Variants in MME observed in about 807,000 individuals in gnomAD.
MME encodes the protein neprilysin.
In MME, 98 loss-of-function variants were observed where a neutral mutation model predicts 113.2. The ratio of observed to expected loss-of-function variants is 0.87; its 90% CI spans 0.74 to 1.02. The LOEUF is 1.02. Among genes scored for constraint, MME ranks in the 50% least tolerant of loss-of-function variants. The probability of loss-of-function intolerance (pLI) is 0.00; values close to 1 mark genes in which losing one functional copy is unlikely to be tolerated. For synonymous variants in MME, 292 were observed against 300.6 expected (o/e 0.97, Z 0.30); for missense variants, 836 against 896.0 (o/e 0.93, Z 0.86).
At chr3:155,042,310 A>T (rs1713348639) in intron 1 of MME, among the ~76,000 whole-genome samples, 1 of 152,134 alleles carries the variant, frequency 6.6e-6, no homozygotes, top group African/African-American at 2.4e-5. Context: ...TTACTTTTTT[A>T]TTTTAAGTGA....
Position 155,172,146 on chromosome 3 carries a change from C to G in MME, c.2010C>G (p.Gly670=). 6.2e-7 allele frequency: 1 copy of G among 1,609,264 alleles called. No individual in the cohort carries two copies. Among genetic ancestry groups the G allele is most frequent in the Non-Finnish European group, 8.5e-7 (1 of 1,176,064 alleles). Residue 670 remains glycine, a synonymous_variant, in exon 21 of 23, where the codon GGC becomes GGG. Coordinates refer to ENST00000360490, the MANE Select transcript of MME (RefSeq NM_007289.4). ...RAYQNYIKKN[G]EEKLLPGLDL... is the part of the protein sequence containing the mutation. ...ATCAGAATTATATTAAAAAGAATGGCGAAGAAAAATTACTTCCTGGACTTG... is the reference window on the plus strand; with the variant it reads ...ATCAGAATTATATTAAAAAGAATGGGGAAGAAAAATTACTTCCTGGACTTG...
At chr3:155,043,336 C>CTTT in intron 1 of MME, among the ~76,000 whole-genome samples, 1 of 143,642 alleles carries the variant, frequency 7.0e-6, no homozygotes, top group Non-Finnish European at 1.5e-5. Context: ...TTCTTTCTTT[C>CTTT]TTTTTTTTTT....
intron 8 of MME, among the ~76,000 whole-genome samples, chr3:155,129,842 T>TA (rs1719995365): frequency 6.6e-6 from 1 of 152,206 alleles, no homozygotes; most frequent in African/African-American, 2.4e-5. Flanking sequence ...ACATGGCCCA[T>TA]AAACATAACC....
intron 1 of MME, among the ~76,000 whole-genome samples, chr3:155,041,521 A>G (rs1020852699): frequency 5.3e-5 from 8 of 152,198 alleles, no homozygotes; most frequent in African/African-American, 1.9e-4. Context: ...TTTTAAAGAA[A>G]AGGATTTTTC....
At chr3:155,118,613 T>C (rs1169575358) in intron 7 of MME, 133 bp from the exon 8 acceptor site, 26 of 674,412 alleles carry the variant, frequency 3.9e-5, no homozygotes, top group Non-Finnish European at 5.6e-5. Context: ...TAGGTATTTA[T>C]TGAGTGTCTG....
Position 155,118,671 on chromosome 3 carries a change from T to C in MME, c.655-75T>C, listed in dbSNP as rs1227034862. ...GAGTAGGATCTTTCACATACATAGA[T>C]AGACATGCTTGTATTTTTCAAACTT... is the stretch of plus-strand genomic sequence containing the variant. On this transcript the variant is annotated intron_variant, in intron 7 of 22. Transcript: ENST00000360490. 1.6e-5 allele frequency: 15 copies of C among 945,698 alleles called. No individual in the cohort carries two copies. The Admixed American group carries it at 1.8e-4, about 11-fold the overall frequency. 58.6% of individuals were successfully genotyped at this position (945,698 alleles called of 1,614,324 possible). A position where few individuals can be genotyped will look rare whatever the true frequency, so the allele number is the denominator to read the frequency against.
At chr3:155,164,126 A>G (rs978990409) in intron 17 of MME, among the ~76,000 whole-genome samples, 1 of 150,816 alleles carries the variant, frequency 6.6e-6, no homozygotes, top group African/African-American at 2.5e-5. Context: ...CCTGGGTGAC[A>G]GAGTAAGACC....
rs183424994 is a variant in MME at position 155,031,487 on chromosome 3, A to T, written c.-11+7163A>T. ...AGAAGAAGGAGTAGTTGGAAATAAA[A>T]GGGAGAAAACTTTGAATGTCTTTTT... is the stretch of plus-strand genomic sequence containing the variant. On this transcript the variant is annotated intron_variant, in intron 1 of 22. Coordinates refer to the MME transcript ENST00000492661. 1.2e-3 allele frequency among the ~76,000 whole-genome samples: 183 copies of T among 152,270 alleles called. 1 individual carries two copies. Among genetic ancestry groups the T allele is most frequent in the African/African-American group, 4.3e-3 (179 of 41,570 alleles).
rs1451886225 is a variant in MME, at chr3:155,080,426, G to A, written c.-51G>A. ...GGGGCTGGGAATTTGCCATTCTGCT[G>A]TACAGACACTGATTTTTTTTTCTTC... On this transcript the variant is annotated 5_prime_UTR_variant, in exon 1 of 23. Transcript: ENST00000360490. The A allele has an allele frequency of 6.6e-6, 1 of 152,090 alleles. No individual in the cohort carries two copies. The highest frequency in any genetic ancestry group is 2.4e-5 in the African/African-American group (1 of 41,358). 9.4% of individuals were successfully genotyped at this position (152,090 alleles called of 1,614,324 possible).
At chr3:155,081,144 G>C (rs992632341) in intron 1 of MME, 5 of 152,174 alleles carry the variant, frequency 3.3e-5, no homozygotes, top group African/African-American at 1.2e-4. Context: ...CCTTCTTCCT[G>C]TGCCTCAGTT....
chr3:155,079,234 C>T (rs967944186), upstream of MME, among the ~76,000 whole-genome samples: 1 of 151,582 alleles, frequency 6.6e-6, no homozygotes, highest in African/African-American at 2.4e-5. Context: ...GGAGAGAGGA[C>T]ATTTAAATGA....
Position 155,182,760 on chromosome 3 carries a change from T to C in MME, c.*2301T>C, listed in dbSNP as rs1029664930. 6 of 152,200 alleles carry C rather than the reference T, an allele frequency of 3.9e-5. No homozygotes were observed. The highest frequency in any genetic ancestry group is 1.2e-4 in the African/African-American group (5 of 41,448). The allele number at this position is 152,200 out of a possible 1,614,324, so 9.4% of individuals were successfully genotyped here. On this transcript the variant is annotated 3_prime_UTR_variant, in exon 23 of 23. Coordinates refer to ENST00000360490, the MANE Select transcript of MME (RefSeq NM_007289.4). ...TCCCATCCCTATGGAGGAACAACTC[T>C]CCAGTGCCTGGATCCCCTCTGTCTA... is the stretch of plus-strand genomic sequence containing the variant.
chr3:155,142,183 G>A lies in MME; in HGVS notation c.1095-54G>A, dbSNP rs564572760. 3 of 1,613,242 alleles carry A rather than the reference G, an allele frequency of 1.9e-6. No individual in the cohort carries two copies. In the African/African-American group the frequency reaches 4.0e-5, roughly 22 times the overall value. On this transcript the variant is annotated intron_variant, in intron 11 of 22. Coordinates refer to ENST00000360490, the MANE Select transcript of MME (RefSeq NM_007289.4). The stretch of plus-strand genomic sequence containing the variant: ...AGTTTGCATTTCATATCACTCTTCA[G>A]AAGCTTTGCAGCCTCATCTTTTCTG...
At chr3:155,072,487 C>T (rs1241315549) in intron 1 of MME, among the ~76,000 whole-genome samples, 1 of 152,138 alleles carries the variant, frequency 6.6e-6, no homozygotes, top group Non-Finnish European at 1.5e-5. Context: ...CTTGCTTTTT[C>T]ATTCAACATT....
At chr3:155,092,218 C>G (rs1009416328) in intron 3 of MME, among the ~76,000 whole-genome samples, 3 of 152,140 alleles carry the variant, frequency 2.0e-5, no homozygotes, top group African/African-American at 7.2e-5. Flanking sequence ...ACGGATGCAC[C>G]CAGAAATAAT....
At chr3:155,038,923 A>C (rs1713217762) in intron 1 of MME, among the ~76,000 whole-genome samples, 2 of 152,102 alleles carry the variant, frequency 1.3e-5, no homozygotes, top group African/African-American at 4.8e-5. Context: ...TCATTTGTTG[A>C]GTGTATTCCC....
chr3:155,086,081 TTGAC>T (rs1370899528), intron 3 of MME, among the ~76,000 whole-genome samples: 1 of 151,922 alleles, frequency 6.6e-6, no homozygotes, highest in Non-Finnish European at 1.5e-5. Flanking sequence ...GAATGTGAGG[TTGAC>T]TGGATTGAGT....
chr3:155,080,514 C>T (rs1159564394), intron 1 of MME, 48 bp downstream of exon 1: 3 of 152,124 alleles, frequency 2.0e-5, no homozygotes, highest in Non-Finnish European at 4.4e-5. Flanking sequence ...TTGTAACTCA[C>T]TTTTCTATTT....
At chr3:155,130,337 T>G (rs1720038734) in intron 8 of MME, among the ~76,000 whole-genome samples, 1 of 152,152 alleles carries the variant, frequency 6.6e-6, no homozygotes, top group East Asian at 1.9e-4. Context: ...TTTCTTTGAG[T>G]AGAGCATTTC....
Sources: gnomAD v4.1 joint callset for allele counts (sites outside exome capture counted in the v4.1 genomes callset) on GRCh38, gnomAD v4.1.1 for gene constraint, MANE v1.5 for transcripts, NCBI Gene and HGNC (gene_info 2026-07-23, HGNC 2026-07-21) for gene names.